The following DMD variants were observed in gnomAD, a reference collection of about 807,000 sequenced individuals.
The protein encoded by DMD is dystrophin, also known as mutant dystrophin.
A neutral mutation model predicts 330.1 loss-of-function variants in DMD; 63 were observed. The observed-to-expected ratio is 0.19, with a 90% CI of 0.16 to 0.24. DMD has a LOEUF of 0.24. Among genes scored for constraint, DMD ranks in the 10% least tolerant of loss-of-function variants. DMD has a pLI of 1.00. For synonymous variants in DMD, 1,223 were observed against 959.8 expected (o/e 1.27, Z -5.07); for missense variants, 3,344 against 2,684.1 (o/e 1.25, Z -5.43).
chrX:32,761,264 T>C (rs974093140), intron 7 of DMD, among the ~76,000 whole-genome samples: 4 of 111,901 alleles, frequency 3.6e-5, no homozygotes, highest in Non-Finnish European at 5.6e-5. Context: ...CTACACTAAA[T>C]CCCCAGTATA....
intron 2 of DMD, among the ~76,000 whole-genome samples, chrX:32,895,948 G>A: frequency 9.0e-6 from 1 of 110,574 alleles, no homozygotes; most frequent in East Asian, 2.8e-4. Flanking sequence ...ATACAGTCTA[G>A]AGGAAGAGAT....
In DMD at chrX:32,448,606, C is replaced by T. The variant is rs769510089; in HGVS notation, c.3636G>A (p.Ala1212=). ...CAGACTCAGTAAGGAGTTTCACTTT[C>T]GCTTCTTTTTGTTGGGCCTCTTCTT... The part of the protein sequence containing the change: ...RAKEEAQQKE[A]KVKLLTESVN... Residue 1212 remains alanine, a synonymous_variant, in exon 27 of 79, where the codon GCG becomes GCA. Transcript: ENST00000357033. 2.2e-5 allele frequency: 27 copies of T among 1,205,785 alleles called. No homozygotes were observed. In the South Asian group the frequency reaches 2.7e-4, roughly 12 times the overall value.
At chrX:33,190,939 TATA>T (rs1167065001) in intron 1 of DMD, among the ~76,000 whole-genome samples, 14 of 1,317 alleles carry the variant, frequency 0.011, no homozygotes, top group African/African-American at 0.036. Flanking sequence ...TATATATATA[TATA>T]ATATATAATA....
At chrX:33,245,403 A>G (rs752936776) in intron 1 of DMD, among the ~76,000 whole-genome samples, 54 of 112,154 alleles carry the variant, frequency 4.8e-4, no homozygotes, top group Non-Finnish European at 7.5e-4. Flanking sequence ...GAAATTAATA[A>G]AACTACATAT....
In DMD at chrX:33,109,173, G is replaced by A. The variant is rs757122978; in HGVS notation, c.32-88973C>T. 8.1e-5 allele frequency among the ~76,000 whole-genome samples: 9 copies of A among 110,654 alleles called. No individual in the cohort carries two copies. In the East Asian group the frequency reaches 2.3e-3, roughly 28 times the overall value. On this transcript the variant is annotated intron_variant, in intron 1 of 78. Transcript: ENST00000357033. The stretch of plus-strand genomic sequence containing the variant: ...ATTGTTTTGAAAATTAGAGATAACT[G>A]TTTAGCTTTAACATAAGGCTTTAGA...
intron 1 of DMD, among the ~76,000 whole-genome samples, chrX:33,187,958 T>C (rs1337703765): frequency 9.0e-6 from 1 of 111,724 alleles, no homozygotes; most frequent in African/African-American, 3.3e-5. Context: ...AGGTACTACA[T>C]GGTCCTCTTA....
chrX:32,443,947 A>T (rs2098292871), intron 27 of DMD, among the ~76,000 whole-genome samples: 2 of 111,518 alleles, frequency 1.8e-5, no homozygotes, highest in South Asian at 3.7e-4. Flanking sequence ...AAACATTTTT[A>T]ATTCATAGCT....
chrX:31,761,826 T>C (rs757643308), intron 51 of DMD, among the ~76,000 whole-genome samples: 5 of 112,238 alleles, frequency 4.5e-5, no homozygotes, highest in Non-Finnish European at 9.4e-5. Context: ...AATCACATCA[T>C]ATTTAGCTAA....
intron 19 of DMD, among the ~76,000 whole-genome samples, chrX:32,500,064 G>A (rs2043894510): frequency 9.1e-6 from 1 of 110,386 alleles, no homozygotes; most frequent in African/African-American, 3.3e-5. Context: ...ATCTTTACTG[G>A]TAGAACAAAA....
At chrX:33,117,131 G>GT (rs1052720917) in intron 1 of DMD, among the ~76,000 whole-genome samples, 11 of 110,360 alleles carry the variant, frequency 1.0e-4, no homozygotes, top group Non-Finnish European at 1.7e-4. Context: ...AATTAAACTT[G>GT]TTTTTCAAAA....
intron 43 of DMD, among the ~76,000 whole-genome samples, chrX:32,238,446 A>T (rs1232537491): frequency 2.9e-5 from 2 of 68,497 alleles, no homozygotes; most frequent in East Asian, 1.6e-3. Context: ...GCAATGCATG[A>T]GAGAGAGAGA....
chrX:31,284,557 T>TTTCTTTTTCTTCTTCTTC (rs2052893705), intron 62 of DMD, among the ~76,000 whole-genome samples: 1 of 78,066 alleles, frequency 1.3e-5, no homozygotes, highest in East Asian at 4.2e-4. Flanking sequence ...TAACGAACTG[T>TTTCTTTTTCTTCTTCTTC]TTCTTCTTCT....
At chrX:33,075,257 A>G (rs7876969) in intron 1 of DMD, among the ~76,000 whole-genome samples, 8,321 of 111,574 alleles carry the variant, frequency 0.075, 768 homozygotes, top group African/African-American at 0.26. Context: ...ACCCTTGCCC[A>G]CAGTCCTATG....
At chrX:31,473,535 C>T (rs191120135) in intron 59 of DMD, among the ~76,000 whole-genome samples, 1 of 108,511 alleles carries the variant, frequency 9.2e-6, no homozygotes, top group African/African-American at 3.4e-5. Flanking sequence ...TCCTGGCCAA[C>T]ATGGTGAAAC....
At chrX:31,960,375 A>C (rs749686659) in intron 45 of DMD, among the ~76,000 whole-genome samples, 19 of 111,055 alleles carry the variant, frequency 1.7e-4, no homozygotes, top group African/African-American at 5.2e-4. Context: ...TGGGCAGTTT[A>C]TATGTAGAAA....
chrX:31,851,546 G>A (rs2093526723), intron 48 of DMD, among the ~76,000 whole-genome samples: 2 of 111,466 alleles, frequency 1.8e-5, no homozygotes, highest in South Asian at 7.5e-4. Flanking sequence ...AATTCTTTTG[G>A]CAAATGAAAT....
chrX:32,676,710 C>T (rs1160004275), intron 9 of DMD, among the ~76,000 whole-genome samples: 1 of 111,495 alleles, frequency 9.0e-6, no homozygotes, highest in African/African-American at 3.2e-5. Flanking sequence ...ATTCTCCATC[C>T]TTCAGTAATT....
Position 32,518,140 on chromosome X carries a change from G to A in DMD, c.2169-9C>T. On this transcript the variant is annotated splice_polypyrimidine_tract_variant and intron_variant, in intron 17 of 78. Coordinates refer to ENST00000357033, the MANE Select transcript of DMD (RefSeq NM_004006.3). Reference sequence around the variant, plus strand: ...TTATATCAACATCCAACCTAAGACAGCAAAAAATAAAAGTCATTATTTCTT... The same window carrying A: ...TTATATCAACATCCAACCTAAGACAACAAAAAATAAAAGTCATTATTTCTT... 2 of 1,202,442 alleles carry A rather than the reference G, an allele frequency of 1.7e-6. No individual in the cohort carries two copies. Among genetic ancestry groups the A allele is most frequent in the Non-Finnish European group, 2.3e-6 (2 of 888,603 alleles).
intron 2 of DMD, among the ~76,000 whole-genome samples, chrX:32,951,036 C>T (rs779170942): frequency 1.8e-5 from 2 of 111,776 alleles, no homozygotes; most frequent in African/African-American, 6.5e-5. Flanking sequence ...TTTACAAAAA[C>T]GTCACACACA....
Sources: allele counts gnomAD v4.1 joint callset (sites outside exome capture counted in the v4.1 genomes callset), GRCh38; gene constraint gnomAD v4.1.1; transcripts MANE v1.5; gene names NCBI Gene and HGNC (gene_info 2026-07-23, HGNC 2026-07-21).